WRNIP1: variants seen among roughly 807,000 people sequenced by gnomAD.
The protein encoded by WRNIP1 is WRN helicase interacting protein 1, also known as ATPase WRNIP1.
WRNIP1 carries 41 observed loss-of-function variants against 56.1 expected under a neutral mutation model. The ratio of observed to expected loss-of-function variants is 0.73; its 90% CI spans 0.57 to 0.95. The LOEUF is 0.95. Among genes scored for constraint, WRNIP1 ranks in the 40% least tolerant of loss-of-function variants. The probability of loss-of-function intolerance (pLI) is 0.00; values close to 1 mark genes in which losing one functional copy is unlikely to be tolerated. For synonymous variants in WRNIP1, 547 were observed against 398.1 expected, an observed-to-expected ratio of 1.37 and a Z score of -4.45; for missense variants, 1,170 against 939.4, an observed-to-expected ratio of 1.25 and a Z score of -3.21.
intron 3 of WRNIP1, among the ~76,000 whole-genome samples, chr6:2,774,535 A>G (rs1451830755): frequency 6.6e-6 from 1 of 152,106 alleles, no homozygotes; most frequent in African/African-American, 2.4e-5. Context: ...TTGTCATTGG[A>G]TTTAAGGTAC....
rs1260810055 is a variant in WRNIP1, at chr6:2,786,197, T to C, written c.*915T>C. ...AGGTAGTCGGTTCTCCTCCTGCTGT[T>C]GCGTGATCCCTCCTGGGGTCCTCCT... On this transcript the variant is annotated 3_prime_UTR_variant, in exon 7 of 7. Coordinates refer to ENST00000380773, the MANE Select transcript of WRNIP1 (RefSeq NM_020135.3). 1 of 152,246 alleles carries C rather than the reference T, an allele frequency of 6.6e-6. No individual in the cohort carries two copies. Among genetic ancestry groups the C allele is most frequent in the Non-Finnish European group, 1.5e-5 (1 of 68,080 alleles). 9.4% of individuals were successfully genotyped at this position (152,246 alleles called of 1,614,324 possible).
At position 2,765,879 on chromosome 6, in the gene WRNIP1, C is replaced by T. The variant is rs1356922882; in HGVS notation, c.257C>T (p.Pro86Leu). The T allele has an allele frequency of 2.8e-6, 4 of 1,448,896 alleles. No homozygotes were observed. Among genetic ancestry groups the T allele is most frequent in the East Asian group, 6.1e-5 (2 of 32,906 alleles). 89.8% of individuals were successfully genotyped at this position (1,448,896 alleles called of 1,614,324 possible). ...TCGGCGCTGAAGCAGCCAGCCACCC[C>T]GACGGCAGCCGAGAGCAGCGAGGGC... ...ESSALKQPAT[P>L]TAAESSEGEG... The change falls in exon 1 of 7, where the codon CCG becomes CTG. Residue 86 changes from proline to leucine, a missense_variant. Physicochemically the swap from Pro to Leu is moderately conservative, Grantham distance 98 (BLOSUM62 -3). Coordinates refer to ENST00000380773, the MANE Select transcript of WRNIP1 (RefSeq NM_020135.3).
intron 1 of WRNIP1, among the ~76,000 whole-genome samples, chr6:2,766,955 GTTTATTTAACATTC>G (rs1554136980): frequency 6.6e-6 from 1 of 152,106 alleles, no homozygotes; most frequent in Non-Finnish European, 1.5e-5. Context: ...TTAAGAATAA[GTTTATTTAACATTC>G]TTATATTCTT....
At position 2,784,214 on chromosome 6, in the gene WRNIP1, G is replaced by C. The variant is rs1346261058; in HGVS notation, c.1643-110G>C. The C allele has an allele frequency of 8.4e-6, 8 of 947,156 alleles. No individual in the cohort carries two copies. In the South Asian group the frequency reaches 1.2e-4, roughly 14 times the overall value. The allele number at this position is 947,156 out of a possible 1,614,324, so 58.7% of individuals were successfully genotyped here. ...TCAGGCTGTTTTGCTACATGGGATT[G>C]TTTTGGTCACCAAGTGTACAAGCAG... On this transcript the variant is annotated intron_variant, in intron 5 of 6. Coordinates refer to ENST00000380773, the MANE Select transcript of WRNIP1 (RefSeq NM_020135.3).
In WRNIP1 at chr6:2,783,559, T is replaced by G; in HGVS notation, c.1640T>G (p.Ile547Arg). 6.2e-7 allele frequency: 1 copy of G among 1,600,204 alleles called. No individual in the cohort carries two copies. Among genetic ancestry groups the G allele is most frequent in the Non-Finnish European group, 8.5e-7 (1 of 1,174,174 alleles). Residue 547 changes from isoleucine (I) to arginine (R), a missense_variant and splice_region_variant, in exon 5 of 7, where the codon ATA becomes AGA. Transcript: ENST00000380773. ...RRLVRFASEDIGLADPSALTQ... is the reference protein window; with the variant it reads ...RRLVRFASEDRGLADPSALTQ... The stretch of plus-strand genomic sequence containing the variant: ...CTTGTCAGGTTTGCCAGCGAGGACA[T>G]AGGTGAGTGTGATGGGAGGGTCCCG...
In WRNIP1 at chr6:2,783,454, G is replaced by C; in HGVS notation, c.1535G>C (p.Gly512Ala). The C allele has an allele frequency of 6.2e-7, 1 of 1,613,644 alleles. No homozygotes were observed. Among genetic ancestry groups the C allele is most frequent in the Non-Finnish European group, 8.5e-7 (1 of 1,179,816 alleles). The change falls in exon 5 of 7, where the codon GGC becomes GCC. Residue 512 changes from glycine to alanine, a missense_variant. Physicochemically the swap from Gly to Ala is moderately conservative, Grantham distance 60. Coordinates refer to ENST00000380773, the MANE Select transcript of WRNIP1 (RefSeq NM_020135.3). Reference protein sequence around the residue: ...CISALHKSMRGSDQNASLYWL... With the variant: ...CISALHKSMRASDQNASLYWL... ...TCCGCCCTGCACAAGTCCATGCGGGGCTCAGACCAGAACGCCTCCCTCTAC... is the reference window on the plus strand; with the variant it reads ...TCCGCCCTGCACAAGTCCATGCGGGCCTCAGACCAGAACGCCTCCCTCTAC...
chr6:2,785,495 G>A lies in WRNIP1; in HGVS notation c.*213G>A. 1.8e-6 allele frequency: 1 copy of A among 567,292 alleles called. No homozygotes were observed. The highest frequency in any genetic ancestry group is 2.5e-5 in the South Asian group (1 of 40,500). The allele number at this position is 567,292 out of a possible 1,614,324, so 35.1% of individuals were successfully genotyped here. A position where few individuals can be genotyped will look rare whatever the true frequency, so the allele number is the denominator to read the frequency against. ...CATTTGCACTCGGTGCAGCGGTTAT[G>A]CTTATGAAAATACCTGGCAGCTTTG... On this transcript the variant is annotated 3_prime_UTR_variant, in exon 7 of 7. Transcript: ENST00000380773.
chr6:2,783,139 C>T (rs1220519804), intron 4 of WRNIP1, among the ~76,000 whole-genome samples: 1 of 152,158 alleles, frequency 6.6e-6, no homozygotes, highest in African/African-American at 2.4e-5. Flanking sequence ...TTTCCTCCCT[C>T]CTGCCTCTGT....
rs1401076029 is a variant in WRNIP1 at position 2,765,528 on chromosome 6, C to G, written c.-95C>G. 1.5e-6 allele frequency: 2 copies of G among 1,303,618 alleles called. No homozygotes were observed. Among genetic ancestry groups the G allele is most frequent in the East Asian group, 3.3e-5 (1 of 30,104 alleles). 80.8% of individuals were successfully genotyped at this position (1,303,618 alleles called of 1,614,324 possible). On this transcript the variant is annotated 5_prime_UTR_variant, in exon 1 of 7. Transcript: ENST00000380773. ...TCCTGCTGGTTCCCCGAGCGAGGGT[C>G]TCGCGGCGCGGGGCCTAGCGGAGGG... is the stretch of plus-strand genomic sequence containing the variant.
rs1402362579 is a variant in WRNIP1 at position 2,774,688 on chromosome 6, A to G, written c.1256+4327A>G. On this transcript the variant is annotated intron_variant, in intron 3 of 6. Transcript: ENST00000380773. ...ACTATTCAACCCACTACAGACCCCT[A>G]CCAAGTATAATGTAATTTGGAAAGA... 3.3e-5 allele frequency among the ~76,000 whole-genome samples: 5 copies of G among 152,346 alleles called. No homozygotes were observed. In the East Asian group the frequency reaches 9.6e-4, roughly 29 times the overall value.
intron 3 of WRNIP1, chr6:2,773,893 A>T (rs1175123644): frequency 2.0e-6 from 2 of 985,230 alleles, no homozygotes; most frequent in African/African-American, 1.7e-5. Flanking sequence ...GTTGGAAGAC[A>T]GAAAGTGGCG....
rs1037194997 is a variant in WRNIP1, at chr6:2,765,557, C to G, written c.-66C>G. ...CGGCGCGGGGCCTAGCGGAGGGCAT[C>G]GAAGGCCTCCGCGTGCGCACGGGTT... On this transcript the variant is annotated 5_prime_UTR_variant, in exon 1 of 7. The change creates a new upstream start codon in the 5' untranslated region. Coordinates refer to ENST00000380773, the MANE Select transcript of WRNIP1 (RefSeq NM_020135.3). The G allele has an allele frequency of 7.2e-7, 1 of 1,379,390 alleles. No individual in the cohort carries two copies. The highest frequency in any genetic ancestry group is 9.3e-7 in the Non-Finnish European group (1 of 1,073,300). 85.4% of individuals were successfully genotyped at this position (1,379,390 alleles called of 1,614,324 possible).
intron 4 of WRNIP1, among the ~76,000 whole-genome samples, chr6:2,780,911 T>G (rs76738666): frequency 0.021 from 3,131 of 152,278 alleles, 115 homozygotes; most frequent in African/African-American, 0.071. Flanking sequence ...ACTCAGCCAT[T>G]GAGTATTTTA....
intron 1 of WRNIP1, among the ~76,000 whole-genome samples, chr6:2,767,469 T>C (rs1332311106): frequency 6.6e-6 from 1 of 152,246 alleles, no homozygotes; most frequent in East Asian, 1.9e-4. Context: ...ACACCCCCTT[T>C]AACTCCAGTT....
chr6:2,782,424 G>C lies in WRNIP1; in HGVS notation c.1487-982G>C, dbSNP rs552995063. 2.6e-5 allele frequency among the ~76,000 whole-genome samples: 4 copies of C among 152,364 alleles called. No individual in the cohort carries two copies. The South Asian group carries it at 6.2e-4, about 24-fold the overall frequency. Reference sequence around the variant, plus strand: ...CTGTGGGAGGCCAGCATCTTCGCTTGCTCTCTTCTCCACCTGAAGACCAAC... The same window carrying C: ...CTGTGGGAGGCCAGCATCTTCGCTTCCTCTCTTCTCCACCTGAAGACCAAC... On this transcript the variant is annotated intron_variant, in intron 4 of 6. Transcript: ENST00000380773.
chr6:2,779,505 C>T lies in WRNIP1; in HGVS notation c.1486+13C>T. 1 of 1,608,364 alleles carries T rather than the reference C, an allele frequency of 6.2e-7. No homozygotes were observed. The highest frequency in any genetic ancestry group is 8.5e-7 in the Non-Finnish European group (1 of 1,176,810). ...TATGACCGGGCAGGTAAGTAATTCACCTGTGGAAAGAGTGAAACCATACGG... is the reference window on the plus strand; with the variant it reads ...TATGACCGGGCAGGTAAGTAATTCATCTGTGGAAAGAGTGAAACCATACGG... On this transcript the variant is annotated intron_variant, in intron 4 of 6. Coordinates refer to ENST00000380773, the MANE Select transcript of WRNIP1 (RefSeq NM_020135.3).
At chr6:2,779,874 CTT>C (rs1765516716) in intron 4 of WRNIP1, among the ~76,000 whole-genome samples, 1 of 152,156 alleles carries the variant, frequency 6.6e-6, no homozygotes, top group Non-Finnish European at 1.5e-5. Flanking sequence ...AAAAAGAGGA[CTT>C]TTGTCATAAT....
chr6:2,782,489 C>G (rs754671241), intron 4 of WRNIP1, among the ~76,000 whole-genome samples: 33 of 152,370 alleles, frequency 2.2e-4, no homozygotes, highest in South Asian at 6.2e-4. Flanking sequence ...GGGTTTGTGG[C>G]TGGCGCCAGT....
intron 4 of WRNIP1, among the ~76,000 whole-genome samples, chr6:2,781,926 T>TG (rs1765570733): frequency 6.6e-6 from 1 of 152,208 alleles, no homozygotes; most frequent in African/African-American, 2.4e-5. Flanking sequence ...CCCATGAGCT[T>TG]GGGGGTCCAG....
Sources: allele counts gnomAD v4.1 joint callset (sites outside exome capture counted in the v4.1 genomes callset), GRCh38; gene constraint gnomAD v4.1.1; transcripts MANE v1.5; gene names NCBI Gene and HGNC (gene_info 2026-07-23, HGNC 2026-07-21).